TAF3: variants seen among roughly 807,000 people sequenced by gnomAD.
TAF3 encodes the protein transcription initiation factor TFIID subunit 3.
TAF3 carries 7 observed loss-of-function variants against 80.6 expected under a neutral mutation model. That is an observed-to-expected ratio of 0.09 (90% confidence interval 0.05 to 0.16). The LOEUF is 0.16. Among genes scored for constraint, TAF3 ranks in the 10% least tolerant of loss-of-function variants. The probability of loss-of-function intolerance (pLI) is 1.00; values close to 1 mark genes in which losing one functional copy is unlikely to be tolerated. For missense variants in TAF3, 921 were observed against 1,140.2 expected (o/e 0.81, Z 2.77); for synonymous variants, 444 against 446.1 (o/e 1.00, Z 0.06).
chr10:7,949,876 C>T lies in TAF3; in HGVS notation c.410-14044C>T, dbSNP rs990140067. 5.3e-5 allele frequency among the ~76,000 whole-genome samples: 8 copies of T among 152,304 alleles called. No homozygotes were observed. The East Asian group carries it at 5.8e-4, about 11-fold the overall frequency. On this transcript the variant is annotated intron_variant, in intron 2 of 6. Coordinates refer to ENST00000344293, the MANE Select transcript of TAF3 (RefSeq NM_031923.4). ...AGGAGTAACAGTCAAGTTCACCCATCGGCAGGCAGTGACTGCGCATCACCA... is the reference window on the plus strand; with the variant it reads ...AGGAGTAACAGTCAAGTTCACCCATTGGCAGGCAGTGACTGCGCATCACCA...
Position 8,009,226 on chromosome 10 carries a change from G to T in TAF3, c.2464G>T (p.Ala822Ser). 1 of 1,464,896 alleles carries T rather than the reference G, an allele frequency of 6.8e-7. No individual in the cohort carries two copies. The highest frequency in any genetic ancestry group is 9.0e-7 in the Non-Finnish European group (1 of 1,108,830). The allele number at this position is 1,464,896 out of a possible 1,614,324, so 90.7% of individuals were successfully genotyped here. A position where few individuals can be genotyped will look rare whatever the true frequency, so the allele number is the denominator to read the frequency against. ...GCCGCTGCCGCTGCTCGCCCAGGCC[G>T]CCGCGGGCCCTGCCCTGCTGCCCTC... ...PVPLPLLAQA[A>S]AGPALLPSPG... Residue 822 changes from alanine to serine, a missense_variant, in exon 5 of 7, where the codon GCC (alanine) becomes TCC (serine). By Grantham distance (99) the Ala-to-Ser change is moderately conservative (BLOSUM62 1). Around this residue, in one of 6 missense-constraint regions of TAF3, gnomAD observed 743 missense variants for 821.0 expected, o/e 0.90. Coordinates refer to ENST00000344293, the MANE Select transcript of TAF3 (RefSeq NM_031923.4). This position sits in a 1 kb window ranked among gnomAD's most constrained non-coding sequence, Gnocchi z 4.1.
chr10:7,913,344 G>T (rs1837675281), intron 2 of TAF3, among the ~76,000 whole-genome samples: 3 of 152,260 alleles, frequency 2.0e-5, no homozygotes, highest in Middle Eastern at 6.8e-3. Flanking sequence ...ATGTGCCTGG[G>T]AAGCAGCCCA....
intron 4 of TAF3, among the ~76,000 whole-genome samples, chr10:8,007,547 T>C (rs1436982434): frequency 7.0e-6 from 1 of 141,910 alleles, no homozygotes; most frequent in Non-Finnish European, 1.5e-5. Flanking sequence ...TATATTGTTT[T>C]CTCTGTGTGT....
At chr10:8,010,676 G>A (rs1564383458) in intron 5 of TAF3, among the ~76,000 whole-genome samples, 1 of 152,210 alleles carries the variant, frequency 6.6e-6, no homozygotes, top group Non-Finnish European at 1.5e-5. Flanking sequence ...GGAGGCTGAG[G>A]CAGATGGATC....
intron 2 of TAF3, among the ~76,000 whole-genome samples, chr10:7,850,219 A>G (rs1266397507): frequency 6.6e-6 from 1 of 152,222 alleles, no homozygotes; most frequent in Non-Finnish European, 1.5e-5. Context: ...ATAAAGAAGC[A>G]AACTGGACAG....
At chr10:7,959,881 A>T (rs941951429) in intron 2 of TAF3, among the ~76,000 whole-genome samples, 1 of 152,336 alleles carries the variant, frequency 6.6e-6, no homozygotes, top group East Asian at 1.9e-4. Flanking sequence ...ATAAGACTTG[A>T]AACTGTCTTA....
In TAF3 at chr10:8,014,997, C is replaced by T. The variant is rs1034453977; in HGVS notation, c.*246C>T. 2.2e-5 allele frequency: 8 copies of T among 366,106 alleles called. No homozygotes were observed. The highest frequency in any genetic ancestry group is 4.0e-5 in the Non-Finnish European group (8 of 198,232). The allele number at this position is 366,106 out of a possible 1,614,324, so 22.7% of individuals were successfully genotyped here. ...CAGAGGCGTGGCCTGGGGGCTGCCC[C>T]TCCTCCACTTCTCTAATACCAGTGA... is the stretch of plus-strand genomic sequence containing the variant. On this transcript the variant is annotated 3_prime_UTR_variant, in exon 7 of 7. Transcript: ENST00000344293.
In TAF3 at chr10:8,009,359, A is replaced by G. The variant is rs745539384; in HGVS notation, c.2568+29A>G. 3 of 1,577,980 alleles carry G rather than the reference A, an allele frequency of 1.9e-6. No individual in the cohort carries two copies. Among genetic ancestry groups the G allele is most frequent in the South Asian group, 2.2e-5 (2 of 88,898 alleles). ...CGTACCTGCCGCCCGCGCGGTTAGCATGGAGACGTTTTCAGATCGAGACAA... is the reference window on the plus strand; with the variant it reads ...CGTACCTGCCGCCCGCGCGGTTAGCGTGGAGACGTTTTCAGATCGAGACAA... On this transcript the variant is annotated intron_variant, in intron 5 of 6. Transcript: ENST00000344293. This position sits in a 1 kb window ranked among gnomAD's most constrained non-coding sequence, Gnocchi z 4.1.
intron 2 of TAF3, among the ~76,000 whole-genome samples, chr10:7,864,645 G>T (rs542975092): frequency 6.6e-6 from 1 of 151,936 alleles, no homozygotes; most frequent in Non-Finnish European, 1.5e-5. Context: ...GGGGTTATAC[G>T]GCTTGTTTGT....
intron 4 of TAF3, among the ~76,000 whole-genome samples, chr10:7,997,815 T>C (rs1356888526): frequency 6.6e-6 from 1 of 152,130 alleles, no homozygotes; most frequent in Non-Finnish European, 1.5e-5. Flanking sequence ...GAGAAAAATA[T>C]AGAGAAGCAA....
chr10:7,993,299 C>T (rs144526187), intron 4 of TAF3, among the ~76,000 whole-genome samples: 4,481 of 152,292 alleles, frequency 0.029, 234 homozygotes, highest in African/African-American at 0.1. Flanking sequence ...CCACCTCAGC[C>T]TCCCAAGTAG....
chr10:7,832,407 T>A (rs576163763), intron 2 of TAF3, among the ~76,000 whole-genome samples: 1 of 152,332 alleles, frequency 6.6e-6, no homozygotes, highest in Non-Finnish European at 1.5e-5. Context: ...ATAATACTTT[T>A]TAATTTTTAT....
chr10:7,943,978 G>A (rs1414497870), intron 2 of TAF3, among the ~76,000 whole-genome samples: 1 of 152,044 alleles, frequency 6.6e-6, no homozygotes, highest in African/African-American at 2.4e-5. Flanking sequence ...AAAAGGGGGT[G>A]GGTTTTCTTG....
In TAF3 at chr10:7,992,133, A is replaced by G. The variant is rs868865350; in HGVS notation, c.2315+14810A>G. 3.9e-5 allele frequency among the ~76,000 whole-genome samples: 6 copies of G among 152,182 alleles called. No individual in the cohort carries two copies. The South Asian group carries it at 1.0e-3, about 26-fold the overall frequency. On this transcript the variant is annotated intron_variant, in intron 4 of 6. Transcript: ENST00000344293. Reference sequence around the variant, plus strand: ...AAGTTTCATCCATGTTGAATGTTCAATTTCATTTGGCTTTGCTTTTTCATA... The same window carrying G: ...AAGTTTCATCCATGTTGAATGTTCAGTTTCATTTGGCTTTGCTTTTTCATA...
intron 2 of TAF3, among the ~76,000 whole-genome samples, chr10:7,905,599 G>A (rs1837600892): frequency 6.6e-6 from 1 of 152,082 alleles, no homozygotes; most frequent in African/African-American, 2.4e-5. Flanking sequence ...AACTTAAGCA[G>A]GGCCAGGCGC....
chr10:8,006,250 C>T (rs2131438824), intron 4 of TAF3, among the ~76,000 whole-genome samples: 1 of 150,956 alleles, frequency 6.6e-6, no homozygotes, highest in South Asian at 2.1e-4. Flanking sequence ...GTGGTGCATG[C>T]CTGTAATCCC....
intron 3 of TAF3, among the ~76,000 whole-genome samples, chr10:7,972,522 A>G (rs535564159): frequency 1.8e-4 from 27 of 152,340 alleles, no homozygotes; most frequent in African/African-American, 6.3e-4. Context: ...ATCTGTGTTT[A>G]GATGATACAA....
rs554971111 is a variant in TAF3 at position 7,840,103 on chromosome 10, T to C, written c.409+15543T>C. 2.0e-5 allele frequency among the ~76,000 whole-genome samples: 3 copies of C among 152,350 alleles called. No individual in the cohort carries two copies. In the East Asian group the frequency reaches 5.8e-4, roughly 29 times the overall value. ...GATTGAAAAATTTTTTTTTTAAGTT[T>C]TAATGTTTCTAAATTAACAAAGTAA... On this transcript the variant is annotated intron_variant, in intron 2 of 6. Transcript: ENST00000344293.
intron 2 of TAF3, among the ~76,000 whole-genome samples, chr10:7,959,773 A>G (rs1214020544): frequency 6.6e-6 from 1 of 152,242 alleles, no homozygotes; most frequent in Non-Finnish European, 1.5e-5. Flanking sequence ...TGCCAGTTCT[A>G]ATCTGATAGA....
Sources: allele counts gnomAD v4.1 joint callset (sites outside exome capture counted in the v4.1 genomes callset), GRCh38; gene constraint gnomAD v4.1.1; regional missense constraint gnomAD v4.1.1; non-coding constraint Gnocchi (gnomAD v3.1); transcripts MANE v1.5; gene names NCBI Gene and HGNC (gene_info 2026-07-23, HGNC 2026-07-21).